The following KSR2 variants were observed in gnomAD, a reference collection of about 807,000 sequenced individuals.
The protein encoded by KSR2 is kinase suppressor of ras 2.
Under a neutral mutation model 107.8 loss-of-function variants are expected in KSR2, and 25 were observed. The ratio of observed to expected loss-of-function variants is 0.23; its 90% confidence interval spans 0.17 to 0.32. The LOEUF (loss-of-function observed/expected upper bound fraction) is 0.32, where lower values mean the gene tolerates loss of function less well. Ranked by LOEUF, KSR2 falls within the 10% of genes least tolerant of loss-of-function variation. KSR2 has a pLI of 1.00. For synonymous variants in KSR2, 480 were observed against 507.0 expected (o/e 0.95, Z 0.71); for missense variants, 887 against 1,268.9 (o/e 0.70, Z 4.57).
intron 1 of KSR2, among the ~76,000 whole-genome samples, chr12:117,954,150 T>TA (rs1164676550): frequency 6.6e-6 from 1 of 152,228 alleles, no homozygotes; most frequent in East Asian, 1.9e-4. Context: ...AAAATTGATT[T>TA]AAGAAAATCA....
chr12:117,956,043 A>G (rs978593541), intron 1 of KSR2, among the ~76,000 whole-genome samples: 1 of 150,878 alleles, frequency 6.6e-6, no homozygotes, highest in Non-Finnish European at 1.5e-5. Context: ...GAGGTCAGGA[A>G]ATCGAGACCA....
chr12:117,817,142 A>G (rs1029329836), intron 3 of KSR2, among the ~76,000 whole-genome samples: 1 of 152,190 alleles, frequency 6.6e-6, no homozygotes. Flanking sequence ...AATCAACTTC[A>G]ACTCTTATTC....
intron 4 of KSR2, among the ~76,000 whole-genome samples, chr12:117,691,622 C>T (rs1206819668): frequency 6.6e-6 from 1 of 152,252 alleles, no homozygotes; most frequent in Non-Finnish European, 1.5e-5. Flanking sequence ...AGACTCCCTC[C>T]TGCCTCCAGT....
intron 1 of KSR2, among the ~76,000 whole-genome samples, chr12:117,950,420 T>G (rs1214556115): frequency 2.6e-5 from 4 of 152,118 alleles, no homozygotes; most frequent in Admixed American, 6.6e-5. Context: ...TACCTTCAAC[T>G]GCTATATGTT....
At chr12:117,656,994 A>ATATATATATATC (rs1884206236) in intron 5 of KSR2, among the ~76,000 whole-genome samples, 1 of 110,548 alleles carries the variant, frequency 9.0e-6, no homozygotes, top group African/African-American at 4.4e-5. Context: ...ATATATATAT[A>ATATATATATATC]TATATATATA....
chr12:117,737,422 C>T (rs961930574), intron 4 of KSR2, among the ~76,000 whole-genome samples: 3 of 152,184 alleles, frequency 2.0e-5, no homozygotes, highest in Non-Finnish European at 4.4e-5. Flanking sequence ...TTCAGTCATT[C>T]TGTAAACCAT....
intron 1 of KSR2, among the ~76,000 whole-genome samples, chr12:117,940,377 C>T (rs570884667): frequency 3.3e-5 from 5 of 152,318 alleles, no homozygotes; most frequent in Non-Finnish European, 7.3e-5. Context: ...CAACTTATAT[C>T]TATTCTCTGC....
chr12:117,875,833 T>A (rs908445845), intron 1 of KSR2, among the ~76,000 whole-genome samples: 1 of 152,042 alleles, frequency 6.6e-6, no homozygotes, highest in Non-Finnish European at 1.5e-5. Flanking sequence ...ATCATCCTGT[T>A]TATTGGTTTC....
intron 14 of KSR2, among the ~76,000 whole-genome samples, chr12:117,502,274 T>C (rs969697653): frequency 1.3e-5 from 2 of 152,236 alleles, no homozygotes; most frequent in African/African-American, 4.8e-5. Context: ...TAGGGGTCTT[T>C]GCATTTATGT....
intron 3 of KSR2, among the ~76,000 whole-genome samples, chr12:117,764,709 C>T (rs886366195): frequency 2.0e-5 from 3 of 152,168 alleles, no homozygotes; most frequent in Admixed American, 6.5e-5. Flanking sequence ...AGAGAGTCAA[C>T]GCTGGAGTCG....
At position 117,577,607 on chromosome 12, in the gene KSR2, G is replaced by A. The variant is rs79243256; in HGVS notation, c.1325+1512C>T. Among the ~76,000 whole-genome samples, 457 of 152,282 alleles carry A rather than the reference G, an allele frequency of 3.0e-3. 3 individuals are homozygous for A. Among genetic ancestry groups the A allele is most frequent in the African/African-American group, 0.011 (441 of 41,560 alleles). ...ACTCACAGTTCCAAGCAGCTAGGGA[G>A]GCCTCACAATCCCGGTGGAAGGCAA... On this transcript the variant is annotated intron_variant, in intron 7 of 19. Coordinates refer to ENST00000339824, the MANE Select transcript of KSR2 (RefSeq NM_173598.6).
intron 1 of KSR2, among the ~76,000 whole-genome samples, chr12:117,871,099 A>G (rs575150414): frequency 6.6e-6 from 1 of 152,330 alleles, no homozygotes; most frequent in East Asian, 1.9e-4. Context: ...TGTAATGAGC[A>G]CGTTTTATGA....
chr12:117,657,707 T>C (rs1333700902), intron 5 of KSR2, among the ~76,000 whole-genome samples: 1 of 152,236 alleles, frequency 6.6e-6, no homozygotes, highest in Non-Finnish European at 1.5e-5. Context: ...TAGAATTCTT[T>C]GTCCTTTGCC....
chr12:117,567,718 G>C (rs1160694495), intron 7 of KSR2, among the ~76,000 whole-genome samples: 2 of 151,592 alleles, frequency 1.3e-5, no homozygotes, highest in African/African-American at 4.9e-5. Context: ...AGCAGGGCTT[G>C]GTTCACTGCA....
intron 9 of KSR2, among the ~76,000 whole-genome samples, chr12:117,549,549 A>C (rs1428328334): frequency 6.6e-6 from 1 of 152,160 alleles, no homozygotes; most frequent in Non-Finnish European, 1.5e-5. Flanking sequence ...ATGCATCAGC[A>C]CCTAGCAATG....
intron 3 of KSR2, among the ~76,000 whole-genome samples, chr12:117,828,768 T>C (rs1216707054): frequency 1.3e-5 from 2 of 152,180 alleles, no homozygotes; most frequent in African/African-American, 2.4e-5. Flanking sequence ...CTCTGAAACT[T>C]TCCGAGACCC....
intron 5 of KSR2, among the ~76,000 whole-genome samples, chr12:117,642,766 C>G (rs558262761): frequency 6.6e-6 from 1 of 152,150 alleles, no homozygotes; most frequent in Non-Finnish European, 1.5e-5. Context: ...AAAATACTTT[C>G]CTTTCTAGAG....
intron 1 of KSR2, among the ~76,000 whole-genome samples, chr12:117,880,999 C>CA (rs1220056701): frequency 1.7e-4 from 26 of 151,234 alleles, no homozygotes; most frequent in African/African-American, 5.6e-4. Context: ...GGCAGAGTCT[C>CA]ACTCTATCAC....
chr12:117,806,440 G>T (rs755693746), intron 3 of KSR2, among the ~76,000 whole-genome samples: 2 of 152,154 alleles, frequency 1.3e-5, no homozygotes, highest in Admixed American at 6.5e-5. Context: ...CCTAAAATTC[G>T]TCTAGGGCTC....
Sources: allele counts gnomAD v4.1 joint callset (sites outside exome capture counted in the v4.1 genomes callset), GRCh38; gene constraint gnomAD v4.1.1; transcripts MANE v1.5; gene names NCBI Gene and HGNC (gene_info 2026-07-23, HGNC 2026-07-21).